Variants in CAMK1D observed in about 807,000 individuals in gnomAD.
CAMK1D encodes calcium/calmodulin-dependent protein kinase type 1D.
A neutral mutation model predicts 47.7 loss-of-function variants in CAMK1D; 9 were observed. The observed-to-expected ratio is 0.19, with a 90% CI of 0.11 to 0.33. CAMK1D has a LOEUF of 0.33. CAMK1D is among the 10% of genes least tolerant of loss of function. The probability of loss-of-function intolerance (pLI) is 1.00; values close to 1 mark genes in which losing one functional copy is unlikely to be tolerated. For missense variants in CAMK1D, 291 were observed against 488.7 expected (o/e 0.60, Z 3.81); for synonymous variants, 184 against 184.9 (o/e 0.99, Z 0.04).
chr10:12,524,085 G>A (rs565080547), intron 1 of CAMK1D, among the ~76,000 whole-genome samples: 7 of 151,716 alleles, frequency 4.6e-5, no homozygotes, highest in African/African-American at 1.7e-4. Flanking sequence ...GTAGAGACAG[G>A]GTTTCACGTT....
intron 3 of CAMK1D, among the ~76,000 whole-genome samples, chr10:12,754,439 A>G (rs1836136589): frequency 6.6e-6 from 1 of 152,244 alleles, no homozygotes; most frequent in Non-Finnish European, 1.5e-5. Flanking sequence ...TGGTGAAGAA[A>G]CAAAGCACAA....
chr10:12,754,539 G>A (rs1836143197), intron 3 of CAMK1D, among the ~76,000 whole-genome samples: 1 of 152,232 alleles, frequency 6.6e-6, no homozygotes, highest in Non-Finnish European at 1.5e-5. Flanking sequence ...CATTGCCTGA[G>A]TATGGAAGAT....
chr10:12,447,077 A>G (rs1832945446), intron 1 of CAMK1D, among the ~76,000 whole-genome samples: 1 of 152,134 alleles, frequency 6.6e-6, no homozygotes, highest in African/African-American at 2.4e-5. Context: ...GTTTGGGTCT[A>G]AGTTTTTTCC....
intron 1 of CAMK1D, among the ~76,000 whole-genome samples, chr10:12,495,975 G>T (rs1834526112): frequency 6.6e-6 from 1 of 151,998 alleles, no homozygotes; most frequent in African/African-American, 2.4e-5. Context: ...CTACTTGTGT[G>T]CGCCACTGTG....
At chr10:12,559,359 T>C (rs1312751812) in intron 2 of CAMK1D, among the ~76,000 whole-genome samples, 4 of 152,078 alleles carry the variant, frequency 2.6e-5, no homozygotes, top group African/African-American at 9.7e-5. Flanking sequence ...CGAGTCAGAA[T>C]TGGAGGTAAT....
intron 6 of CAMK1D, among the ~76,000 whole-genome samples, chr10:12,797,420 A>G (rs777376818): frequency 2.0e-5 from 3 of 151,714 alleles, no homozygotes; most frequent in African/African-American, 4.8e-5. Context: ...GGGTCTCACT[A>G]TGTTGCCCAG....
At chr10:12,827,638 C>T (rs61852166) in intron 10 of CAMK1D, among the ~76,000 whole-genome samples, 716 of 10,298 alleles carry the variant, frequency 0.07, 2 homozygotes, top group Middle Eastern at 0.17. Flanking sequence ...TCCTCTCTCC[C>T]CTCTCCCCTC....
intron 1 of CAMK1D, among the ~76,000 whole-genome samples, chr10:12,513,958 A>G (rs567623881): frequency 6.6e-6 from 1 of 152,344 alleles, no homozygotes; most frequent in African/African-American, 2.4e-5. Flanking sequence ...TCAAACATTT[A>G]TGCCTCTCTG....
At chr10:12,732,661 A>G (rs1302466714) in intron 3 of CAMK1D, among the ~76,000 whole-genome samples, 1 of 137,748 alleles carries the variant, frequency 7.3e-6, no homozygotes, top group Non-Finnish European at 1.5e-5. Context: ...CCATTATTCA[A>G]TTACCCCCGC....
chr10:12,826,317 G>A (rs181678139), intron 10 of CAMK1D, among the ~76,000 whole-genome samples: 16 of 152,074 alleles, frequency 1.1e-4, no homozygotes, highest in Middle Eastern at 3.2e-3. Flanking sequence ...TCACTCTTGC[G>A]GATTGAGGAA....
At chr10:12,787,323 C>A (rs1374704818) in intron 5 of CAMK1D, among the ~76,000 whole-genome samples, 4 of 152,112 alleles carry the variant, frequency 2.6e-5, no homozygotes, top group East Asian at 1.9e-4. Flanking sequence ...CTAGAAAAAA[C>A]CATGTTCTTT....
At chr10:12,803,315 G>C (rs1838565459) in intron 6 of CAMK1D, among the ~76,000 whole-genome samples, 1 of 152,206 alleles carries the variant, frequency 6.6e-6, no homozygotes, top group Non-Finnish European at 1.5e-5. Context: ...ACCCTGAGGG[G>C]CAAGACCTGG....
At chr10:12,726,773 G>A (rs1834659207) in intron 3 of CAMK1D, among the ~76,000 whole-genome samples, 1 of 152,222 alleles carries the variant, frequency 6.6e-6, no homozygotes, top group Non-Finnish European at 1.5e-5. Context: ...CCAGGTTCTT[G>A]AGCCCACAAC....
intron 3 of CAMK1D, among the ~76,000 whole-genome samples, chr10:12,686,232 T>C (rs1056028901): frequency 6.6e-6 from 1 of 152,240 alleles, no homozygotes; most frequent in Non-Finnish European, 1.5e-5. Flanking sequence ...GAGGTTACTT[T>C]GTACGTGTTG....
chr10:12,365,434 TTTTTTG>T lies in CAMK1D; in HGVS notation c.92+15541_92+15546del, dbSNP rs151160818. ...TTATGATGTTGCAAAGGTTATAGCT[TTTTTTG>T]TTTTTGTTTTTGTTTTGATACAGTG... On this transcript the variant is annotated intron_variant, in intron 1 of 10. Coordinates refer to ENST00000619168, the MANE Select transcript of CAMK1D (RefSeq NM_153498.4). 8.3e-3 allele frequency among the ~76,000 whole-genome samples: 1,262 copies of T among 152,080 alleles called. 18 individuals carry two copies. Among genetic ancestry groups the T allele is most frequent in the African/African-American group, 0.028 (1,181 of 41,500 alleles).
intron 3 of CAMK1D, among the ~76,000 whole-genome samples, chr10:12,737,075 G>C (rs188901537): frequency 3.3e-5 from 5 of 152,270 alleles, no homozygotes; most frequent in Admixed American, 2.0e-4. Context: ...CGTAGCCTGA[G>C]TCCCAGGGGC....
At chr10:12,595,201 G>C (rs1838107002) in intron 2 of CAMK1D, among the ~76,000 whole-genome samples, 1 of 151,764 alleles carries the variant, frequency 6.6e-6, no homozygotes, top group Admixed American at 6.6e-5. Context: ...AATTAGCCAG[G>C]CATGGTGGCA....
At chr10:12,603,855 C>T (rs1838375166) in intron 2 of CAMK1D, among the ~76,000 whole-genome samples, 1 of 152,194 alleles carries the variant, frequency 6.6e-6, no homozygotes, top group Admixed American at 6.5e-5. Context: ...CCCTGGAACA[C>T]ACCTGTCACA....
At chr10:12,587,822 GT>G (rs1021027307) in intron 2 of CAMK1D, among the ~76,000 whole-genome samples, 2 of 151,698 alleles carry the variant, frequency 1.3e-5, no homozygotes, top group African/African-American at 2.4e-5. Context: ...CCGTAGATTT[GT>G]TTTTTTTAGA....
Sources: allele counts gnomAD v4.1 joint callset (sites outside exome capture counted in the v4.1 genomes callset), GRCh38; gene constraint gnomAD v4.1.1; transcripts MANE v1.5; gene names NCBI Gene and HGNC (gene_info 2026-07-23, HGNC 2026-07-21).